PCLO: variants seen among roughly 807,000 people sequenced by gnomAD.
PCLO encodes protein piccolo.
PCLO carries 82 observed loss-of-function variants against 427.5 expected under a neutral mutation model. The observed-to-expected ratio is 0.19, with a 90% CI of 0.16 to 0.23. The LOEUF is 0.23. PCLO is among the 10% of genes least tolerant of loss of function. The pLI is 1.00. For synonymous variants in PCLO, 2,357 were observed against 2,155.4 expected (o/e 1.09, Z -2.59); for missense variants, 6,239 against 6,115.9 (o/e 1.02, Z -0.67).
chr7:82,879,367 T>G lies in PCLO; in HGVS notation c.13624A>C (p.Ser4542Arg). 2 of 1,612,730 alleles carry G rather than the reference T, an allele frequency of 1.2e-6. No homozygotes were observed. The highest frequency in any genetic ancestry group is 1.7e-6 in the Non-Finnish European group (2 of 1,179,112). The change falls in exon 10 of 25, where the codon AGT becomes CGT. Residue 4542 changes from serine (S) to arginine (R), a missense_variant. By Grantham distance (110) the Ser-to-Arg change is moderately radical. Around this residue, in one of 5 missense-constraint regions of PCLO, gnomAD observed 877 missense variants for 925.5 expected, o/e 0.95. Coordinates refer to ENST00000333891, the MANE Select transcript of PCLO (RefSeq NM_033026.6). ...ATAAGCTTCCCCGTCTGTTCCGCACTTCCCCCAGGAAGAATCTTGGCAATA... is the reference window on the plus strand; with the variant it reads ...ATAAGCTTCCCCGTCTGTTCCGCACGTCCCCCAGGAAGAATCTTGGCAATA... ...AYIAKILPGG[S>R]AEQTGKLMEG...
At chr7:82,889,747 ATAAT>A (rs1793713462) in intron 9 of PCLO, among the ~76,000 whole-genome samples, 1 of 152,154 alleles carries the variant, frequency 6.6e-6, no homozygotes, top group African/African-American at 2.4e-5. Context: ...GTTGAAGTAA[ATAAT>A]TAAACGTCTG....
At chr7:82,930,778 A>G (rs1794822335) in intron 6 of PCLO, among the ~76,000 whole-genome samples, 3 of 152,126 alleles carry the variant, frequency 2.0e-5, no homozygotes, top group African/African-American at 7.2e-5. Flanking sequence ...AAGTCAAAAA[A>G]TGTTTCATTA....
chr7:83,093,492 A>ATATATTTTTTTTTTTTTTTT, intron 3 of PCLO, among the ~76,000 whole-genome samples: 9 of 59,318 alleles, frequency 1.5e-4, no homozygotes, highest in Admixed American at 8.7e-4. Context: ...ATATATATAT[A>ATATATTTTTTTTTTTTTTTT]TTTTTTTTTT....
intron 6 of PCLO, among the ~76,000 whole-genome samples, chr7:82,927,703 G>T (rs1324519020): frequency 6.6e-6 from 1 of 152,056 alleles, no homozygotes; most frequent in Non-Finnish European, 1.5e-5. Flanking sequence ...TAATCTCACT[G>T]CTTATTCATT....
Position 82,755,180 on chromosome 7 carries a change from C to G in PCLO, c.*3395G>C, listed in dbSNP as rs2129467366. The G allele has an allele frequency of 6.6e-6, 1 of 152,042 alleles. No individual in the cohort carries two copies. Among genetic ancestry groups the G allele is most frequent in the Admixed American group, 6.6e-5 (1 of 15,246 alleles). The allele number at this position is 152,042 out of a possible 1,614,324, so 9.4% of individuals were successfully genotyped here. On this transcript the variant is annotated 3_prime_UTR_variant, in exon 25 of 25. Transcript: ENST00000333891. The stretch of plus-strand genomic sequence containing the variant: ...CAGCTGGTTACCAGCTATAATATTC[C>G]CACAATATGACTATTTAAATGTGTG...
intron 2 of PCLO, among the ~76,000 whole-genome samples, chr7:83,140,821 T>G (rs1297612289): frequency 1.3e-5 from 2 of 152,318 alleles, no homozygotes; most frequent in Non-Finnish European, 2.9e-5. Flanking sequence ...ACTGCCTTGT[T>G]TTACTTCCAA....
rs1024363163 is a variant in PCLO, at chr7:82,757,722, G to A, written c.*853C>T. On this transcript the variant is annotated 3_prime_UTR_variant, in exon 25 of 25. Transcript: ENST00000333891. ...TTTACTCTAGGTCCTTTGGTACATA[G>A]ACTGAAGATGTCTTGGCTTAATGGT... The A allele has an allele frequency of 1.3e-4, 20 of 152,024 alleles. No individual in the cohort carries two copies. Among genetic ancestry groups the A allele is most frequent in the African/African-American group, 4.8e-4 (20 of 41,534 alleles). The allele number at this position is 152,024 out of a possible 1,614,324, so 9.4% of individuals were successfully genotyped here.
At chr7:83,003,552 C>A (rs1787875439) in intron 3 of PCLO, among the ~76,000 whole-genome samples, 1 of 151,704 alleles carries the variant, frequency 6.6e-6, no homozygotes, top group African/African-American at 2.4e-5. Flanking sequence ...GAGGTTTTAC[C>A]ATGAAAGAAT....
chr7:82,789,660 G>T (rs868545662), intron 22 of PCLO, among the ~76,000 whole-genome samples: 13 of 152,106 alleles, frequency 8.5e-5, no homozygotes, highest in Admixed American at 5.9e-4. Flanking sequence ...AGTCGAGATC[G>T]CACCACTGCG....
chr7:83,078,778 C>G (rs1408018388), intron 3 of PCLO, among the ~76,000 whole-genome samples: 1 of 152,040 alleles, frequency 6.6e-6, no homozygotes, highest in Admixed American at 6.6e-5. Flanking sequence ...TCTGGCAATC[C>G]GCCTGCCTCG....
intron 2 of PCLO, among the ~76,000 whole-genome samples, chr7:83,150,039 T>G (rs146254700): frequency 0.012 from 1,838 of 152,280 alleles, 15 homozygotes; most frequent in Non-Finnish European, 0.018. Flanking sequence ...TTTTAATCCC[T>G]AACATTTGGT....
chr7:83,099,994 T>A (rs917135459), intron 3 of PCLO, among the ~76,000 whole-genome samples: 12 of 152,174 alleles, frequency 7.9e-5, no homozygotes, highest in African/African-American at 2.4e-4. Context: ...ACTTATTATA[T>A]TAAATAATGT....
chr7:82,827,132 C>T lies in PCLO; in HGVS notation c.14344-472G>A, dbSNP rs17156723. On this transcript the variant is annotated intron_variant, in intron 17 of 24. Transcript: ENST00000333891. ...CCAGATTATAATTTATATCCAGCTT[C>T]ATCTTTGTAATGAAATTAATCTACT... 3.2e-4 allele frequency among the ~76,000 whole-genome samples: 48 copies of T among 152,090 alleles called. No homozygotes were observed. In the East Asian group the frequency reaches 8.5e-3, roughly 27 times the overall value.
chr7:82,998,356 G>A (rs1787684255), intron 3 of PCLO, among the ~76,000 whole-genome samples: 1 of 151,690 alleles, frequency 6.6e-6, no homozygotes, highest in South Asian at 2.1e-4. Context: ...ATATGCCAGT[G>A]TACTCTGTTT....
At chr7:83,024,141 C>T (rs1208187203) in intron 3 of PCLO, among the ~76,000 whole-genome samples, 3 of 152,170 alleles carry the variant, frequency 2.0e-5, no homozygotes, top group African/African-American at 7.2e-5. Flanking sequence ...TCTACAGCTC[C>T]CAGCGTGAGC....
At chr7:83,158,190 A>T (rs1443571742) in intron 1 of PCLO, among the ~76,000 whole-genome samples, 1 of 152,098 alleles carries the variant, frequency 6.6e-6, no homozygotes, top group African/African-American at 2.4e-5. Context: ...AAATATATAT[A>T]TTCTACCATG....
At position 83,135,644 on chromosome 7, in the gene PCLO, G is replaced by A. The variant is rs954191730; in HGVS notation, c.1906C>T (p.Leu636Phe). 3.1e-6 allele frequency: 5 copies of A among 1,593,200 alleles called. No individual in the cohort carries two copies. The African/African-American group carries it at 6.7e-5, about 21-fold the overall frequency. ...NPHLTEVKEW[L>F]CLNCQMKRAL... ...CTTTTCATTTGACAGTTCAAACAGAGCCACTCTTTTACCTACAAATAATAT... is the reference window on the plus strand; with the variant it reads ...CTTTTCATTTGACAGTTCAAACAGAACCACTCTTTTACCTACAAATAATAT... The change falls in exon 3 of 25, where the codon CTC (leucine) becomes TTC (phenylalanine). Residue 636 changes from leucine to phenylalanine, a missense_variant. By Grantham distance (22) the Leu-to-Phe change is conservative. Around this residue, in one of 5 missense-constraint regions of PCLO, gnomAD observed 4,677 missense variants for 4,468.4 expected, o/e 1.05. Transcript: ENST00000333891.
intron 3 of PCLO, among the ~76,000 whole-genome samples, chr7:83,027,491 G>A (rs1320094159): frequency 6.6e-6 from 1 of 151,950 alleles, no homozygotes; most frequent in Non-Finnish European, 1.5e-5. Context: ...AAGAGTCCAG[G>A]ACCAGATAGA....
At chr7:83,054,605 C>CA (rs1419645056) in intron 3 of PCLO, among the ~76,000 whole-genome samples, 6 of 151,988 alleles carry the variant, frequency 3.9e-5, no homozygotes, top group Non-Finnish European at 5.9e-5. Flanking sequence ...GCCAGATACA[C>CA]AAACATTGAG....
Sources: allele counts gnomAD v4.1 joint callset (sites outside exome capture counted in the v4.1 genomes callset), GRCh38; gene constraint gnomAD v4.1.1; regional missense constraint gnomAD v4.1.1; transcripts MANE v1.5; gene names NCBI Gene and HGNC (gene_info 2026-07-23, HGNC 2026-07-21).